The following CADPS variants were observed in gnomAD, a reference collection of about 807,000 sequenced individuals.
The protein encoded by CADPS is calcium dependent secretion activator.
Under a neutral mutation model 167.3 loss-of-function variants are expected in CADPS, and 57 were observed. The observed-to-expected ratio is 0.34, with a 90% CI of 0.28 to 0.42. The LOEUF is 0.42. CADPS is among the 20% of genes least tolerant of loss of function. CADPS has a pLI of 1.00. For missense variants in CADPS, 1,414 were observed against 1,738.1 expected, an observed-to-expected ratio of 0.81 and a Z score of 3.32; for synonymous variants, 676 against 635.3, an observed-to-expected ratio of 1.06 and a Z score of -0.96.
rs2068112198 is a variant in CADPS, at chr3:62,512,756, T to A, written c.2594A>T (p.Asp865Val). 6.2e-7 allele frequency: 1 copy of A among 1,605,150 alleles called. No individual in the cohort carries two copies. The highest frequency in any genetic ancestry group is 8.5e-7 in the Non-Finnish European group (1 of 1,173,734). Residue 865 changes from aspartate to valine, a missense_variant, in exon 17 of 30, where the codon GAT becomes GTT. Asp to Val is a radical substitution (Grantham distance 152, BLOSUM62 -3). Coordinates refer to ENST00000383710, the MANE Select transcript of CADPS (RefSeq NM_003716.4). ...EYAKIEENQK[D>V]AENVGRLITP... ...TGCATATACAATTGGTTCACCTGCA[T>A]CCTTTTGATTCTCTATTTGAAAGAG...
chr3:62,543,901 A>C (rs1398236986), intron 11 of CADPS, among the ~76,000 whole-genome samples: 1 of 152,182 alleles, frequency 6.6e-6, no homozygotes, highest in Non-Finnish European at 1.5e-5. Flanking sequence ...AATAGTTAAG[A>C]GAAATATTTT....
chr3:62,736,474 G>A (rs1449099073), intron 3 of CADPS, among the ~76,000 whole-genome samples: 2 of 152,168 alleles, frequency 1.3e-5, no homozygotes, highest in Non-Finnish European at 2.9e-5. Flanking sequence ...CAGTTTGCAT[G>A]CAATTCTCCT....
intron 8 of CADPS, among the ~76,000 whole-genome samples, chr3:62,575,001 G>A (rs2082006224): frequency 6.6e-6 from 1 of 152,166 alleles, no homozygotes; most frequent in Non-Finnish European, 1.5e-5. Flanking sequence ...CAGGAAGTGG[G>A]CAAGAAATTT....
intron 3 of CADPS, among the ~76,000 whole-genome samples, chr3:62,665,130 T>C (rs1240285216): frequency 6.6e-6 from 1 of 152,140 alleles, no homozygotes; most frequent in Non-Finnish European, 1.5e-5. Context: ...TTTACAGCCT[T>C]TTCTAAAGGG....
rs149490984 is a variant in CADPS at position 62,484,316 on chromosome 3, A to T, written c.3027-2447T>A. The stretch of plus-strand genomic sequence containing the variant: ...AAGAATCAAGGAGGTAATTCTAAGC[A>T]TAATATTTTACTAATATACATGTGA... On this transcript the variant is annotated intron_variant, in intron 21 of 29. Coordinates refer to ENST00000383710, the MANE Select transcript of CADPS (RefSeq NM_003716.4). 5.3e-3 allele frequency among the ~76,000 whole-genome samples: 812 copies of T among 152,312 alleles called. 11 individuals are homozygous for T. Among genetic ancestry groups the T allele is most frequent in the Middle Eastern group, 0.041 (12 of 294 alleles).
intron 3 of CADPS, among the ~76,000 whole-genome samples, chr3:62,723,228 G>C (rs1412790205): frequency 6.6e-6 from 1 of 152,228 alleles, no homozygotes; most frequent in Non-Finnish European, 1.5e-5. Flanking sequence ...CCAGCTGCGA[G>C]GAGGTAATTC....
At chr3:62,586,752 T>C (rs906262036) in intron 7 of CADPS, among the ~76,000 whole-genome samples, 7 of 152,228 alleles carry the variant, frequency 4.6e-5, no homozygotes, top group African/African-American at 1.7e-4. Context: ...TACAATGTTG[T>C]TGAGCAATTA....
intron 1 of CADPS, among the ~76,000 whole-genome samples, chr3:62,786,459 T>C (rs2092439919): frequency 6.6e-6 from 1 of 152,002 alleles, no homozygotes; most frequent in African/African-American, 2.4e-5. Flanking sequence ...CAGGGCAACA[T>C]AGCAAGACCC....
chr3:62,680,453 T>C (rs917342576), intron 3 of CADPS, among the ~76,000 whole-genome samples: 1 of 151,998 alleles, frequency 6.6e-6, no homozygotes, highest in Non-Finnish European at 1.5e-5. Flanking sequence ...AACCTCAGCA[T>C]CTCCTTGACT....
intron 1 of CADPS, among the ~76,000 whole-genome samples, chr3:62,813,732 C>A (rs1375276717): frequency 6.6e-6 from 1 of 152,106 alleles, no homozygotes; most frequent in Admixed American, 6.6e-5. Flanking sequence ...CGTCCAGAAT[C>A]TATAAGGAAC....
chr3:62,728,207 GAC>G (rs1379835421), intron 3 of CADPS, among the ~76,000 whole-genome samples: 1 of 151,738 alleles, frequency 6.6e-6, no homozygotes, highest in African/African-American at 2.4e-5. Context: ...TCTAATAAAT[GAC>G]AGAGCTGAAA....
At chr3:62,507,316 G>A (rs2066875234) in intron 17 of CADPS, among the ~76,000 whole-genome samples, 1 of 152,078 alleles carries the variant, frequency 6.6e-6, no homozygotes, top group Admixed American at 6.5e-5. Context: ...ACCCTGGCCT[G>A]GGTAAAATTC....
At chr3:62,787,169 C>T (rs1044872348) in intron 1 of CADPS, among the ~76,000 whole-genome samples, 12 of 151,590 alleles carry the variant, frequency 7.9e-5, no homozygotes, top group Admixed American at 5.9e-4. Context: ...GTTGCATGCA[C>T]CTGTGGTCCC....
chr3:62,424,371 G>A (rs1407089560), intron 28 of CADPS, among the ~76,000 whole-genome samples: 1 of 152,142 alleles, frequency 6.6e-6, no homozygotes. Flanking sequence ...TTTTAGTAGA[G>A]ATGGGGTTTT....
intron 3 of CADPS, among the ~76,000 whole-genome samples, chr3:62,715,954 C>T (rs1286762532): frequency 6.6e-6 from 1 of 151,826 alleles, no homozygotes; most frequent in Non-Finnish European, 1.5e-5. Context: ...ATCATGTTAG[C>T]CAGGATGGTC....
intron 13 of CADPS, among the ~76,000 whole-genome samples, chr3:62,520,263 A>G (rs1262653891): frequency 6.6e-6 from 1 of 152,212 alleles, no homozygotes; most frequent in African/African-American, 2.4e-5. Context: ...AGGCAATTAG[A>G]AGGCAGCTTT....
chr3:62,645,879 C>G, intron 5 of CADPS, 36 bp from the exon 6 acceptor site: 1 of 1,612,050 alleles, frequency 6.2e-7, no homozygotes, highest in Admixed American at 1.7e-5. Context: ...AGGTTATTGG[C>G]AAGGCCCCTG....
At chr3:62,837,019 G>T (rs984584767) in intron 1 of CADPS, among the ~76,000 whole-genome samples, 7 of 152,068 alleles carry the variant, frequency 4.6e-5, no homozygotes, top group African/African-American at 1.7e-4. Flanking sequence ...CCCAATGAAG[G>T]GAGAGGCTTT....
chr3:62,720,979 G>A (rs140309421), intron 3 of CADPS, among the ~76,000 whole-genome samples: 2,337 of 151,440 alleles, frequency 0.015, 33 homozygotes, highest in Non-Finnish European at 0.023. Context: ...CACCACGCCC[G>A]GCTAATTTTT....
Sources: gnomAD v4.1 joint callset for allele counts (sites outside exome capture counted in the v4.1 genomes callset) on GRCh38, gnomAD v4.1.1 for gene constraint, MANE v1.5 for transcripts, NCBI Gene and HGNC (gene_info 2026-07-23, HGNC 2026-07-21) for gene names.